Variants in XPR1 observed in about 807,000 individuals in gnomAD.
XPR1 encodes solute carrier family 53 member 1.
In XPR1, 28 loss-of-function variants were observed where a neutral mutation model predicts 87.5. That is an observed-to-expected ratio of 0.32 (90% CI 0.24 to 0.44). The LOEUF (loss-of-function observed/expected upper bound fraction) is 0.44, where lower values mean the gene tolerates loss of function less well. Among genes scored for constraint, XPR1 ranks in the 20% least tolerant of loss-of-function variants. The probability of loss-of-function intolerance (pLI) is 1.00; values close to 1 mark genes in which losing one functional copy is unlikely to be tolerated. For synonymous variants in XPR1, 300 were observed against 306.1 expected (o/e 0.98, Z 0.21); for missense variants, 559 against 862.3 (o/e 0.65, Z 4.41).
At chr1:180,804,537 A>G (rs1165770711) in intron 4 of XPR1, among the ~76,000 whole-genome samples, 1 of 152,198 alleles carries the variant, frequency 6.6e-6, no homozygotes, top group Non-Finnish European at 1.5e-5. Context: ...ATTATTACTT[A>G]TAATGAGTGG....
chr1:180,702,155 T>G (rs1258615504), intron 2 of XPR1, among the ~76,000 whole-genome samples: 1 of 80,882 alleles, frequency 1.2e-5, no homozygotes, highest in African/African-American at 5.6e-5. Flanking sequence ...CTCGTTGGTT[T>G]CAAAGAACAT....
intron 11 of XPR1, among the ~76,000 whole-genome samples, chr1:180,837,511 G>A (rs909575860): frequency 1.3e-5 from 2 of 151,506 alleles, no homozygotes; most frequent in East Asian, 3.9e-4. Context: ...TAGGAGCTTT[G>A]GCCAGTGCTA....
intron 7 of XPR1, among the ~76,000 whole-genome samples, chr1:180,821,006 C>CTT (rs67840913): frequency 5.4e-5 from 8 of 148,220 alleles, no homozygotes; most frequent in Admixed American, 3.4e-4. Context: ...ATATTCCTCC[C>CTT]TTTTTTTTTT....
intron 9 of XPR1, among the ~76,000 whole-genome samples, chr1:180,827,363 A>G (rs144803950): frequency 9.7e-4 from 147 of 152,280 alleles, no homozygotes; most frequent in African/African-American, 3.5e-3. Context: ...TAATTACAGT[A>G]ACAGGATAAT....
intron 14 of XPR1, among the ~76,000 whole-genome samples, chr1:180,882,951 T>G (rs1009777217): frequency 5.3e-5 from 8 of 151,716 alleles, no homozygotes; most frequent in African/African-American, 1.9e-4. Flanking sequence ...TTCTTATATT[T>G]GTTTTTTGGG....
intron 14 of XPR1, among the ~76,000 whole-genome samples, chr1:180,881,444 T>C (rs1212455595): frequency 6.6e-6 from 1 of 152,218 alleles, no homozygotes; most frequent in African/African-American, 2.4e-5. Flanking sequence ...ATTACAGGCA[T>C]GAGCCACCGC....
At chr1:180,840,906 A>G (rs1651487568) in intron 11 of XPR1, among the ~76,000 whole-genome samples, 1 of 152,188 alleles carries the variant, frequency 6.6e-6, no homozygotes, top group South Asian at 2.1e-4. Context: ...TTCAGCAAGT[A>G]CTTACTAAGA....
At chr1:180,673,522 C>G (rs1039439964) in intron 1 of XPR1, among the ~76,000 whole-genome samples, 3 of 152,202 alleles carry the variant, frequency 2.0e-5, no homozygotes, top group African/African-American at 7.2e-5. Flanking sequence ...CAGACCAGTA[C>G]TGGGCCATGG....
chr1:180,669,661 T>C (rs1220017489), intron 1 of XPR1, among the ~76,000 whole-genome samples: 1 of 152,130 alleles, frequency 6.6e-6, no homozygotes, highest in East Asian at 1.9e-4. Flanking sequence ...TGCGTATAAA[T>C]GTTTATACAG....
intron 3 of XPR1, among the ~76,000 whole-genome samples, 162 bp downstream of exon 3, chr1:180,788,016 T>C (rs1649221395): frequency 6.6e-6 from 1 of 152,218 alleles, no homozygotes; most frequent in Admixed American, 6.5e-5. Flanking sequence ...ACGTCTGGTT[T>C]CTCAATGTTT....
chr1:180,693,441 G>A (rs1657057345), intron 2 of XPR1, among the ~76,000 whole-genome samples: 1 of 152,200 alleles, frequency 6.6e-6, no homozygotes, highest in Non-Finnish European at 1.5e-5. Flanking sequence ...GAGTAGCATT[G>A]ACTTCAGTTA....
intron 2 of XPR1, among the ~76,000 whole-genome samples, chr1:180,726,501 T>A (rs1658352618): frequency 6.6e-6 from 1 of 152,192 alleles, no homozygotes; most frequent in Non-Finnish European, 1.5e-5. Context: ...CTGCGGAAAC[T>A]CCGGACACAG....
intron 2 of XPR1, among the ~76,000 whole-genome samples, chr1:180,728,542 T>A (rs960201982): frequency 4.6e-5 from 7 of 152,238 alleles, no homozygotes; most frequent in Admixed American, 2.0e-4. Flanking sequence ...TAACTAATTC[T>A]CAGGTGGTTC....
intron 1 of XPR1, among the ~76,000 whole-genome samples, chr1:180,649,178 C>T (rs913285603): frequency 2.5e-4 from 38 of 151,934 alleles, no homozygotes; most frequent in Admixed American, 1.4e-3. Context: ...GTAATCCCAG[C>T]ACTTTGGGAG....
intron 3 of XPR1, among the ~76,000 whole-genome samples, chr1:180,799,154 C>T (rs1211859499): frequency 6.6e-6 from 1 of 152,162 alleles, no homozygotes; most frequent in Non-Finnish European, 1.5e-5. Flanking sequence ...TTCAGTAGAA[C>T]CATTGTTGTA....
intron 2 of XPR1, among the ~76,000 whole-genome samples, chr1:180,723,077 A>G (rs2101999306): frequency 6.6e-6 from 1 of 152,262 alleles, no homozygotes; most frequent in Non-Finnish European, 1.5e-5. Flanking sequence ...CCATTTTTGT[A>G]TCTTCTTACA....
chr1:180,698,591 G>A (rs1055681843), intron 2 of XPR1, among the ~76,000 whole-genome samples: 1 of 152,090 alleles, frequency 6.6e-6, no homozygotes, highest in African/African-American at 2.4e-5. Context: ...TTGTGTATCT[G>A]CTGTACCAGT....
At position 180,680,428 on chromosome 1, in the gene XPR1, C is replaced by T. The variant is rs559640513; in HGVS notation, c.70-1932C>T. On this transcript the variant is annotated intron_variant, in intron 1 of 14. Transcript: ENST00000367590. ...GTCGCCAGACTGGGATGCAGTGGTG[C>T]GATCTTGGGTCATTGCAACCTCTGC... Among the ~76,000 whole-genome samples, 48 of 123,228 alleles carry T rather than the reference C, an allele frequency of 3.9e-4. No individual in the cohort carries two copies. In the South Asian group the frequency reaches 4.4e-3, roughly 11 times the overall value. 80.8% of individuals were successfully genotyped at this position (123,228 alleles called of 152,430 possible). A position where few individuals can be genotyped will look rare whatever the true frequency, so the allele number is the denominator to read the frequency against.
At chr1:180,679,226 C>T (rs1020518228) in intron 1 of XPR1, among the ~76,000 whole-genome samples, 8 of 150,360 alleles carry the variant, frequency 5.3e-5, no homozygotes, top group African/African-American at 1.5e-4. Context: ...ACAAAAAAAA[C>T]GGTGGGTTAC....
Sources: gnomAD v4.1 joint callset for allele counts (sites outside exome capture counted in the v4.1 genomes callset) on GRCh38, gnomAD v4.1.1 for gene constraint, MANE v1.5 for transcripts, NCBI Gene and HGNC (gene_info 2026-07-23, HGNC 2026-07-21) for gene names.